The following DMTF1 variants were observed in gnomAD, a reference collection of about 807,000 sequenced individuals.
The protein encoded by DMTF1 is cyclin D binding myb like transcription factor 1, also known as cyclin-D-binding Myb-like transcription factor 1.
DMTF1 carries 39 observed loss-of-function variants against 91.1 expected under a neutral mutation model. That is an observed-to-expected ratio of 0.43 (90% CI 0.33 to 0.56). The LOEUF is 0.56. DMTF1 is among the 20% of genes least tolerant of loss of function. DMTF1 has a pLI of 0.05. For synonymous variants in DMTF1, 338 were observed against 309.5 expected, an observed-to-expected ratio of 1.09 and a Z score of -0.97; for missense variants, 750 against 914.5, an observed-to-expected ratio of 0.82 and a Z score of 2.32.
At chr7:87,171,182 C>T (rs576082807) in intron 5 of DMTF1, 93 bp downstream of exon 5, 9 of 826,770 alleles carry the variant, frequency 1.1e-5, no homozygotes, top group South Asian at 6.8e-5. Context: ...TCCCAAGTAG[C>T]GAGGACTACT....
chr7:87,169,106 T>C (rs770392640), intron 4 of DMTF1, among the ~76,000 whole-genome samples: 2 of 152,184 alleles, frequency 1.3e-5, no homozygotes, highest in African/African-American at 2.4e-5. Context: ...TATCACCAGT[T>C]TTTCTTCTAC....
intron 15 of DMTF1, 186 bp downstream of exon 15, chr7:87,193,539 G>A: frequency 1.3e-6 from 1 of 798,976 alleles, no homozygotes; most frequent in Non-Finnish European, 2.0e-6. Context: ...TATGTAAGAT[G>A]GCTATACATT....
intron 11 of DMTF1, chr7:87,184,905 C>T: frequency 1.9e-6 from 1 of 534,464 alleles, no homozygotes; most frequent in South Asian, 1.5e-5. Context: ...ATGGCACAGG[C>T]AGCGGCAGTG....
At chr7:87,181,136 C>T (rs551497307) in intron 8 of DMTF1, 173 bp from the exon 9 acceptor site, 134 of 422,934 alleles carry the variant, frequency 3.2e-4, no homozygotes, top group African/African-American at 2.5e-3. Flanking sequence ...AGGCGTGAGC[C>T]GCACCCTGCC....
At chr7:87,180,890 G>T (rs1363732640) in intron 8 of DMTF1, among the ~76,000 whole-genome samples, 1 of 132,156 alleles carries the variant, frequency 7.6e-6, no homozygotes, top group Non-Finnish European at 1.6e-5. Context: ...GACAGAGTCT[G>T]TGTTGCGCAG....
At chr7:87,190,889 A>G in intron 13 of DMTF1, 56 bp from the exon 14 acceptor site, 1 of 1,456,994 alleles carries the variant, frequency 6.9e-7, no homozygotes, top group African/African-American at 1.4e-5. Flanking sequence ...AACTTAAATT[A>G]ACAAAACATT....
At chr7:87,170,720 A>G (rs114029268) in intron 4 of DMTF1, among the ~76,000 whole-genome samples, 2,862 of 152,120 alleles carry the variant, frequency 0.019, 107 homozygotes, top group African/African-American at 0.064. Context: ...TATCTTGTCC[A>G]TTTTGTGTCT....
chr7:87,180,720 TAGAC>T (rs773590542), intron 8 of DMTF1, among the ~76,000 whole-genome samples: 11 of 152,208 alleles, frequency 7.2e-5, no homozygotes, highest in Admixed American at 2.0e-4. Context: ...AAGGAACTGT[TAGAC>T]AGCATAGGAG....
intron 5 of DMTF1, among the ~76,000 whole-genome samples, chr7:87,173,023 C>T (rs1795446047): frequency 6.6e-6 from 1 of 152,244 alleles, no homozygotes; most frequent in African/African-American, 2.4e-5. Flanking sequence ...TATGATTGTG[C>T]CTGTTAATAT....
intron 7 of DMTF1, 93 bp downstream of exon 7, chr7:87,174,762 T>C: frequency 4.3e-6 from 3 of 690,448 alleles, no homozygotes; most frequent in South Asian, 4.9e-5. Flanking sequence ...TATTAGGAGC[T>C]TTTTACTTAT....
At chr7:87,160,574 G>A (rs527392600) in intron 1 of DMTF1, among the ~76,000 whole-genome samples, 3 of 152,154 alleles carry the variant, frequency 2.0e-5, no homozygotes, top group African/African-American at 7.2e-5. Context: ...ACCACACCCG[G>A]CCTGTAGTTT....
rs202170251 is a variant in DMTF1 at position 87,166,478 on chromosome 7, A to G, written c.110-5A>G. ...AATTTTTGTTTGTTTGTTTTCTTCCATTAGAAGCGGATGAAATAGACTCAG... is the reference window on the plus strand; with the variant it reads ...AATTTTTGTTTGTTTGTTTTCTTCCGTTAGAAGCGGATGAAATAGACTCAG... On this transcript the variant is annotated splice_polypyrimidine_tract_variant and splice_region_variant and intron_variant, in intron 3 of 17. Coordinates refer to ENST00000331242, the MANE Select transcript of DMTF1 (RefSeq NM_001142327.2). 1.2e-6 allele frequency: 2 copies of G among 1,608,094 alleles called. No individual in the cohort carries two copies. Among genetic ancestry groups the G allele is most frequent in the Non-Finnish European group, 8.5e-7 (1 of 1,178,092 alleles).
chr7:87,164,220 A>G (rs1204177264), intron 2 of DMTF1: 1 of 152,156 alleles, frequency 6.6e-6, no homozygotes, highest in Admixed American at 6.5e-5. Context: ...CAACCAGGCT[A>G]TTGATTATAG....
intron 13 of DMTF1, among the ~76,000 whole-genome samples, chr7:87,189,384 T>G (rs962756420): frequency 2.0e-5 from 3 of 152,140 alleles, no homozygotes; most frequent in African/African-American, 7.2e-5. Flanking sequence ...CTTTTCGTTT[T>G]TGTTACAGTC....
At chr7:87,193,693 AC>A (rs1409919043) in intron 15 of DMTF1, 31 bp from the exon 16 acceptor site, 1 of 1,545,444 alleles carries the variant, frequency 6.5e-7, no homozygotes, top group Non-Finnish European at 8.7e-7. Flanking sequence ...CATTTGATTT[AC>A]AACTTTAACA....
chr7:87,190,667 A>C (rs1052992770), intron 13 of DMTF1, among the ~76,000 whole-genome samples: 1 of 152,082 alleles, frequency 6.6e-6, no homozygotes, highest in African/African-American at 2.4e-5. Context: ...TATATAAACC[A>C]GTAGGTGTGG....
At chr7:87,194,894 T>TAACTTGTTTCAGTCTTTCTTGATCCAATA in intron 17 of DMTF1, 66 bp downstream of exon 17, 1 of 1,521,166 alleles carries the variant, frequency 6.6e-7, no homozygotes, top group African/African-American at 1.4e-5. Flanking sequence ...GACATTTAAT[T>TAACTTGTTTCAGTCTTTCTTGATCCAATA]AACTTGTTTC....
chr7:87,176,900 A>G (rs1163027407), intron 7 of DMTF1, among the ~76,000 whole-genome samples: 3 of 152,140 alleles, frequency 2.0e-5, no homozygotes, highest in African/African-American at 7.2e-5. Flanking sequence ...GGATAAATGC[A>G]AGTAACGTCT....
At chr7:87,164,054 TAAAAAAAAAAAA>T (rs61634018) in intron 2 of DMTF1, among the ~76,000 whole-genome samples, 2 of 73,486 alleles carry the variant, frequency 2.7e-5, no homozygotes, top group East Asian at 4.1e-4. Context: ...ACGCCTTCTC[TAAAAAAAAAAAA>T]AAAAAAAAAA....
Sources: allele counts gnomAD v4.1 joint callset (sites outside exome capture counted in the v4.1 genomes callset), GRCh38; gene constraint gnomAD v4.1.1; transcripts MANE v1.5; gene names NCBI Gene and HGNC (gene_info 2026-07-23, HGNC 2026-07-21).